The following IPO7 variants were observed in gnomAD, a reference collection of about 807,000 sequenced individuals.
The protein encoded by IPO7 is importin 7.
In IPO7, 13 loss-of-function variants were observed where a neutral mutation model predicts 136.4. The ratio of observed to expected loss-of-function variants is 0.10; its 90% CI spans 0.06 to 0.15. The LOEUF (loss-of-function observed/expected upper bound fraction) is 0.15, where lower values mean the gene tolerates loss of function less well. IPO7 is among the 10% of genes least tolerant of loss of function. IPO7 has a pLI of 1.00. For missense variants in IPO7, 857 were observed against 1,240.6 expected, an observed-to-expected ratio of 0.69 and a Z score of 4.65; for synonymous variants, 403 against 404.4, an observed-to-expected ratio of 1.00 and a Z score of 0.04.
In IPO7 at chr11:9,384,701, T is replaced by C; in HGVS notation, c.-63T>C. 7.3e-7 allele frequency: 1 copy of C among 1,369,818 alleles called. No individual in the cohort carries two copies. Among genetic ancestry groups the C allele is most frequent in the Non-Finnish European group, 1.0e-6 (1 of 994,184 alleles). 84.9% of individuals were successfully genotyped at this position (1,369,818 alleles called of 1,614,324 possible). On this transcript the variant is annotated 5_prime_UTR_variant, in exon 1 of 25. Coordinates refer to ENST00000379719, the MANE Select transcript of IPO7 (RefSeq NM_006391.3). ...GAGCGCGGCGGGTCCATGTGCGCAG[T>C]GAGTGGCGCTATTCCTGGCCCAGTA... is the stretch of plus-strand genomic sequence containing the variant.
chr11:9,436,866 ATATTTTTTTTTTTTTTTT>A (rs1855382522), intron 20 of IPO7, among the ~76,000 whole-genome samples: 2 of 14,534 alleles, frequency 1.4e-4, no homozygotes, highest in African/African-American at 4.7e-4. Context: ...ATATATATAT[ATATTTTTTTTTTTTTTTT>A]TTTTTTTTTT....
Position 9,447,393 on chromosome 11 carries a change from A to T in IPO7, c.*2199A>T, listed in dbSNP as rs1030177791. 2.0e-5 allele frequency: 3 copies of T among 152,196 alleles called. No individual in the cohort carries two copies. Among genetic ancestry groups the T allele is most frequent in the Admixed American group, 6.6e-5 (1 of 15,266 alleles). 9.4% of individuals were successfully genotyped at this position (152,196 alleles called of 1,614,324 possible). On this transcript the variant is annotated 3_prime_UTR_variant, in exon 25 of 25. Transcript: ENST00000379719. ...TAACTTGAAATTAGACCTTATAATT[A>T]AACTATTTAAATAGTGTTCAAATGA...
At chr11:9,417,708 C>A (rs905932307) in intron 6 of IPO7, among the ~76,000 whole-genome samples, 2 of 148,056 alleles carry the variant, frequency 1.4e-5, no homozygotes, top group Non-Finnish European at 3.0e-5. Flanking sequence ...GTCTAGTTTT[C>A]TTTTTTCTTT....
At chr11:9,416,743 G>C (rs1034897647) in intron 5 of IPO7, among the ~76,000 whole-genome samples, 1 of 151,952 alleles carries the variant, frequency 6.6e-6, no homozygotes, top group African/African-American at 2.4e-5. Flanking sequence ...AACCATGTCT[G>C]CTTTGAAAAA....
intron 18 of IPO7, 138 bp from the exon 19 acceptor site, chr11:9,434,796 C>T: frequency 3.0e-6 from 2 of 671,100 alleles, no homozygotes; most frequent in South Asian, 1.6e-5. Flanking sequence ...TGAGAGTGTC[C>T]CCCCTCCCCC....
Position 9,429,674 on chromosome 11 carries a change from C to T in IPO7, c.1592C>T (p.Ala531Val). 6.3e-7 allele frequency: 1 copy of T among 1,598,816 alleles called. No individual in the cohort carries two copies. The highest frequency in any genetic ancestry group is 8.5e-7 in the Non-Finnish European group (1 of 1,175,666). ...LQVLISNQEK[A>V]KEYITPFIRP... is the part of the protein sequence containing the mutation. The stretch of plus-strand genomic sequence containing the variant: ...AAGTTTTTTACTCTTTCTCTTACAG[C>T]TAAAGAATATATCACACCATTCATC... The change falls in exon 15 of 25, where the codon GCT becomes GTT. Residue 531 changes from alanine (A) to valine (V), a missense_variant and splice_region_variant. By Grantham distance (64) the Ala-to-Val change is moderately conservative. Coordinates refer to ENST00000379719, the MANE Select transcript of IPO7 (RefSeq NM_006391.3).
intron 24 of IPO7, among the ~76,000 whole-genome samples, chr11:9,443,211 CA>C: frequency 6.7e-6 from 1 of 149,902 alleles, no homozygotes; most frequent in Non-Finnish European, 1.5e-5. Flanking sequence ...CTCAAAAAAA[CA>C]AAAAAAAGTA....
chr11:9,408,838 C>T (rs369795970), intron 3 of IPO7, among the ~76,000 whole-genome samples, 199 bp downstream of exon 3: 7 of 150,804 alleles, frequency 4.6e-5, no homozygotes, highest in Middle Eastern at 3.4e-3. Context: ...CTCAGCTCCA[C>T]GAGTAGCTGG....
intron 13 of IPO7, 125 bp downstream of exon 13, chr11:9,428,754 T>C (rs757358382): frequency 8.8e-6 from 7 of 796,386 alleles, no homozygotes; most frequent in South Asian, 2.7e-5. Context: ...TTCTGTTTAA[T>C]GTAAATCTTT....
At chr11:9,406,751 G>A (rs1423227618) in intron 2 of IPO7, among the ~76,000 whole-genome samples, 1 of 152,094 alleles carries the variant, frequency 6.6e-6, no homozygotes, top group Non-Finnish European at 1.5e-5. Flanking sequence ...GCATGCACCT[G>A]TAATCCCAGC....
At chr11:9,388,399 A>C (rs1854581836) in intron 1 of IPO7, among the ~76,000 whole-genome samples, 1 of 151,476 alleles carries the variant, frequency 6.6e-6, no homozygotes, top group Non-Finnish European at 1.5e-5. Context: ...CTGGTCTCCA[A>C]CTCCTGACCT....
At chr11:9,433,998 A>G (rs571145287) in intron 18 of IPO7, 152 bp downstream of exon 18, 15 of 689,550 alleles carry the variant, frequency 2.2e-5, no homozygotes, top group Non-Finnish European at 2.8e-5. Context: ...ATCTCAGCTC[A>G]TCGCAACCTA....
In IPO7 at chr11:9,397,358, ATAT is replaced by A. The variant is rs1440437576; in HGVS notation, c.85-5931_85-5929del. Among the ~76,000 whole-genome samples the A allele has an allele frequency of 1.6e-4, 11 of 66,874 alleles. 3 individuals carry two copies. The highest frequency in any genetic ancestry group is 7.1e-4 in the African/African-American group (11 of 15,530). 43.9% of individuals were successfully genotyped at this position (66,874 alleles called of 152,430 possible). A position where few individuals can be genotyped will look rare whatever the true frequency, so the allele number is the denominator to read the frequency against. ...TAAAAAAAAATATATATATATATAT[ATAT>A]ATATTAGTCGGGCACGGTGGCAGGT... On this transcript the variant is annotated intron_variant, in intron 1 of 24. Coordinates refer to ENST00000379719, the MANE Select transcript of IPO7 (RefSeq NM_006391.3).
At chr11:9,410,731 G>C (rs1854957009) in intron 4 of IPO7, among the ~76,000 whole-genome samples, 1 of 152,232 alleles carries the variant, frequency 6.6e-6, no homozygotes, top group Non-Finnish European at 1.5e-5. Context: ...ATAGCACTGA[G>C]AGTGGTAAGC....
At chr11:9,435,820 G>A (rs900503055) in intron 19 of IPO7, among the ~76,000 whole-genome samples, 2 of 152,096 alleles carry the variant, frequency 1.3e-5, no homozygotes, top group African/African-American at 2.4e-5. Context: ...TCCTCCCTCC[G>A]TTCCTCTCTC....
intron 24 of IPO7, among the ~76,000 whole-genome samples, chr11:9,444,349 T>A (rs1302033061): frequency 6.6e-6 from 1 of 151,228 alleles, no homozygotes; most frequent in Non-Finnish European, 1.5e-5. Flanking sequence ...ATCTATAGAC[T>A]TTTTTTTATA....
intron 1 of IPO7, among the ~76,000 whole-genome samples, chr11:9,396,573 G>A (rs1291287703): frequency 3.3e-5 from 5 of 152,062 alleles, no homozygotes; most frequent in Admixed American, 1.3e-4. Context: ...CAGTCACTCC[G>A]CATTCCGCCC....
At chr11:9,397,218 A>G (rs931670191) in intron 1 of IPO7, among the ~76,000 whole-genome samples, 1 of 149,858 alleles carries the variant, frequency 6.7e-6, no homozygotes, top group African/African-American at 2.5e-5. Flanking sequence ...CTGCAAACGC[A>G]TGCTTCCACT....
chr11:9,439,868 C>A (rs773327434), intron 22 of IPO7, among the ~76,000 whole-genome samples: 1 of 152,144 alleles, frequency 6.6e-6, no homozygotes, highest in Non-Finnish European at 1.5e-5. Flanking sequence ...CCACCGCGCC[C>A]GGCGAATTAT....
Sources: gnomAD v4.1 joint callset for allele counts (sites outside exome capture counted in the v4.1 genomes callset) on GRCh38, gnomAD v4.1.1 for gene constraint, MANE v1.5 for transcripts, NCBI Gene and HGNC (gene_info 2026-07-23, HGNC 2026-07-21) for gene names.